TRMT1L: variants seen among roughly 807,000 people sequenced by gnomAD.
The protein encoded by TRMT1L is tRNA (guanine(27)-N(2))-dimethyltransferase.
In TRMT1L, 28 loss-of-function variants were observed where a neutral mutation model predicts 81.6. That is an observed-to-expected ratio of 0.34 (90% confidence interval 0.25 to 0.47). The LOEUF (loss-of-function observed/expected upper bound fraction) is 0.47, where lower values mean the gene tolerates loss of function less well. Ranked by LOEUF, TRMT1L falls within the 20% of genes least tolerant of loss-of-function variation. The pLI is 1.00. For missense variants in TRMT1L, 739 were observed against 877.1 expected (o/e 0.84, Z 1.99); for synonymous variants, 301 against 303.2 (o/e 0.99, Z 0.07).
rs1653212207 is a variant in TRMT1L, at chr1:185,147,265, G to A, written c.461-19C>T. Reference sequence around the variant, plus strand: ...CTGTAACCTAAAATAAAGAATGGCTGGTTATCATACATTGTTCATTAAATA... The same window carrying A: ...CTGTAACCTAAAATAAAGAATGGCTAGTTATCATACATTGTTCATTAAATA... On this transcript the variant is annotated intron_variant, in intron 3 of 14. Transcript: ENST00000367506. 1 of 1,576,408 alleles carries A rather than the reference G, an allele frequency of 6.3e-7. No individual in the cohort carries two copies. The highest frequency in any genetic ancestry group is 1.7e-4 in the Middle Eastern group (1 of 5,950).
At chr1:185,149,694 G>A (rs1056517114) in intron 3 of TRMT1L, among the ~76,000 whole-genome samples, 2 of 152,230 alleles carry the variant, frequency 1.3e-5, no homozygotes, top group South Asian at 4.1e-4. Flanking sequence ...GTTGTCAGAT[G>A]TTGGGAAAAT....
At chr1:185,146,893 T>C (rs1423945099) in intron 4 of TRMT1L, among the ~76,000 whole-genome samples, 1 of 152,094 alleles carries the variant, frequency 6.6e-6, no homozygotes, top group Non-Finnish European at 1.5e-5. Context: ...AAAACTACTC[T>C]CTAAATTTTC....
At chr1:185,145,855 GGA>G (rs752616087) in intron 4 of TRMT1L, among the ~76,000 whole-genome samples, 29 of 151,934 alleles carry the variant, frequency 1.9e-4, no homozygotes, top group Non-Finnish European at 3.4e-4. Flanking sequence ...TGTAATGTTA[GGA>G]GTGGTGTGCT....
intron 3 of TRMT1L, among the ~76,000 whole-genome samples, chr1:185,148,518 C>T (rs1653247813): frequency 6.6e-6 from 1 of 152,210 alleles, no homozygotes; most frequent in Admixed American, 6.5e-5. Flanking sequence ...CAAAAACTAT[C>T]ATATCTTCAC....
intron 10 of TRMT1L, 77 bp downstream of exon 10, chr1:185,137,529 T>C (rs769063210): frequency 1.5e-6 from 2 of 1,364,204 alleles, no homozygotes; most frequent in African/African-American, 1.4e-5. Context: ...AGGACAACAA[T>C]ATGTATAATT....
At chr1:185,144,934 T>A (rs562663194) in intron 5 of TRMT1L, among the ~76,000 whole-genome samples, 91 of 151,732 alleles carry the variant, frequency 6.0e-4, no homozygotes, top group Admixed American at 1.0e-3. Flanking sequence ...CTTAAAGGAA[T>A]GGTACGTAGT....
At position 185,120,615 on chromosome 1, in the gene TRMT1L, CCTGA is replaced by C. The variant is rs1350875020; in HGVS notation, c.1823-110_1823-107del. 6.1e-6 allele frequency: 6 copies of C among 989,610 alleles called. No homozygotes were observed. The South Asian group carries it at 1.5e-4, about 25-fold the overall frequency. 61.3% of individuals were successfully genotyped at this position (989,610 alleles called of 1,614,324 possible). On this transcript the variant is annotated intron_variant, in intron 13 of 14. Transcript: ENST00000367506. ...TATAAATCCTGACACATTATTTCAACCTGACTATCCAATCTTAATTCTTATAATT... is the reference window on the plus strand; with the variant it reads ...TATAAATCCTGACACATTATTTCAACCTATCCAATCTTAATTCTTATAATT...
rs949162573 is a variant in TRMT1L, at chr1:185,118,183, A to G, written c.*1836T>C. 6 of 152,200 alleles carry G rather than the reference A, an allele frequency of 3.9e-5. No individual in the cohort carries two copies. The highest frequency in any genetic ancestry group is 1.4e-4 in the African/African-American group (6 of 41,444). The allele number at this position is 152,200 out of a possible 1,614,324, so 9.4% of individuals were successfully genotyped here. The stretch of plus-strand genomic sequence containing the variant: ...AACATTTGCAATGTCCCAAATTACT[A>G]CTATTGTTACGAGAATAAGATTGCT... On this transcript the variant is annotated 3_prime_UTR_variant, in exon 15 of 15. Coordinates refer to ENST00000367506, the MANE Select transcript of TRMT1L (RefSeq NM_030934.5).
intron 10 of TRMT1L, among the ~76,000 whole-genome samples, chr1:185,134,428 C>T (rs1020428223): frequency 3.3e-5 from 5 of 152,192 alleles, no homozygotes; most frequent in African/African-American, 4.8e-5. Context: ...CTCAGGTGGT[C>T]CGTCCGCCTC....
chr1:185,137,528 A>C, intron 10 of TRMT1L, 78 bp downstream of exon 10: 1 of 1,366,598 alleles, frequency 7.3e-7, no homozygotes, highest in East Asian at 2.3e-5. Flanking sequence ...AAGGACAACA[A>C]TATGTATAAT....
At chr1:185,151,461 C>G (rs1393677974) in intron 2 of TRMT1L, among the ~76,000 whole-genome samples, 1 of 152,130 alleles carries the variant, frequency 6.6e-6, no homozygotes, top group Non-Finnish European at 1.5e-5. Flanking sequence ...ACGTGGAACT[C>G]TCATACCAGC....
At chr1:185,128,617 T>C (rs1652693413) in intron 11 of TRMT1L, 52 bp downstream of exon 11, 1 of 1,522,630 alleles carries the variant, frequency 6.6e-7, no homozygotes, top group South Asian at 1.1e-5. Flanking sequence ...CAGCAATTAA[T>C]AAATCAATCA....
intron 3 of TRMT1L, among the ~76,000 whole-genome samples, chr1:185,147,611 A>G (rs1239557298): frequency 6.6e-6 from 1 of 152,116 alleles, no homozygotes; most frequent in African/African-American, 2.4e-5. Flanking sequence ...TGCTATTGAT[A>G]TATTTGCCAT....
intron 3 of TRMT1L, 52 bp downstream of exon 3, chr1:185,150,327 T>C (rs1226713640): frequency 1.3e-5 from 17 of 1,323,624 alleles, no homozygotes; most frequent in Non-Finnish European, 1.8e-5. Context: ...AAACTGGTAA[T>C]AAATGTTGAA....
chr1:185,131,694 A>C (rs1028747405), intron 10 of TRMT1L, among the ~76,000 whole-genome samples: 4 of 152,156 alleles, frequency 2.6e-5, no homozygotes, highest in Non-Finnish European at 5.9e-5. Context: ...ATTAAGGAAA[A>C]AGTATAAAGT....
intron 3 of TRMT1L, among the ~76,000 whole-genome samples, chr1:185,148,586 C>A (rs1317116079): frequency 2.6e-5 from 4 of 152,128 alleles, no homozygotes; most frequent in African/African-American, 9.7e-5. Flanking sequence ...CATGAGAGAA[C>A]CACATCCATG....
intron 5 of TRMT1L, 51 bp downstream of exon 5, chr1:185,145,388 C>T: frequency 2.0e-6 from 3 of 1,528,838 alleles, no homozygotes; most frequent in African/African-American, 1.4e-5. Context: ...ATAACTGGAC[C>T]ATTATTTAAG....
chr1:185,126,529 G>C (rs911202588), intron 11 of TRMT1L, among the ~76,000 whole-genome samples: 7 of 152,110 alleles, frequency 4.6e-5, no homozygotes, highest in African/African-American at 1.7e-4. Context: ...AAATATATAT[G>C]AAAGAATATA....
Position 185,156,406 on chromosome 1 carries a change from G to GCCTCC in TRMT1L, c.235+67_235+71dup, listed in dbSNP as rs1316057050. On this transcript the variant is annotated intron_variant, in intron 1 of 14. Transcript: ENST00000367506. ...CCCATAAAAACCATCCCGGTGAAGG[G>GCCTCC]CCTCCCCTACTTCCCAGCAAGGCGC... 175 of 1,612,592 alleles carry GCCTCC rather than the reference G, an allele frequency of 1.1e-4. 1 individual carries two copies. The highest frequency in any genetic ancestry group is 1.5e-4 in the Non-Finnish European group (172 of 1,179,570).
Sources: gnomAD v4.1 joint callset for allele counts (sites outside exome capture counted in the v4.1 genomes callset) on GRCh38, gnomAD v4.1.1 for gene constraint, MANE v1.5 for transcripts, NCBI Gene and HGNC (gene_info 2026-07-23, HGNC 2026-07-21) for gene names.